CFAP58: variants seen among roughly 807,000 people sequenced by gnomAD.
CFAP58 encodes cilia- and flagella-associated protein 58.
CFAP58 carries 88 observed loss-of-function variants against 119.5 expected under a neutral mutation model. That is an observed-to-expected ratio of 0.74 (90% CI 0.62 to 0.88). The LOEUF (loss-of-function observed/expected upper bound fraction) is 0.88, where lower values mean the gene tolerates loss of function less well. Among genes scored for constraint, CFAP58 ranks in the 40% least tolerant of loss-of-function variants. The probability of loss-of-function intolerance (pLI) is 0.00; values close to 1 mark genes in which losing one functional copy is unlikely to be tolerated. For missense variants in CFAP58, 990 were observed against 1,021.2 expected (o/e 0.97, Z 0.42); for synonymous variants, 365 against 366.3 (o/e 1.00, Z 0.04).
At chr10:104,379,737 T>C (rs941949315) in intron 8 of CFAP58, among the ~76,000 whole-genome samples, 2 of 152,184 alleles carry the variant, frequency 1.3e-5, no homozygotes, top group African/African-American at 4.8e-5. Context: ...TGTATGAACT[T>C]GTGGGCAAAT....
chr10:104,399,422 AGC>A lies in CFAP58; in HGVS notation c.1738_1739del (p.Ala580Ter). 1 of 1,613,984 alleles carries A rather than the reference AGC, an allele frequency of 6.2e-7. No individual in the cohort carries two copies. The highest frequency in any genetic ancestry group is 1.3e-5 in the African/African-American group (1 of 75,022). The part of the protein sequence containing the change: ...ETKHFIEKQE[A>X]EERKLLRIIA... The stretch of plus-strand genomic sequence containing the variant: ...CAAAACACTTTATTGAAAAGCAAGA[AGC>A]TGAAGAGAGAAAACTCCTGCGAATA... On this transcript the variant is annotated frameshift_variant, in exon 12 of 18. Coordinates refer to ENST00000369704, the MANE Select transcript of CFAP58 (RefSeq NM_001008723.2). LOFTEE classifies it high-confidence loss of function.
At chr10:104,442,310 C>T (rs1199394243) in intron 15 of CFAP58, among the ~76,000 whole-genome samples, 1 of 152,134 alleles carries the variant, frequency 6.6e-6, no homozygotes, top group Non-Finnish European at 1.5e-5. Flanking sequence ...ATGCTTACGG[C>T]TGGGTGCAGT....
chr10:104,407,409 G>T (rs958052680), intron 15 of CFAP58, among the ~76,000 whole-genome samples: 2 of 152,172 alleles, frequency 1.3e-5, no homozygotes, highest in Admixed American at 6.5e-5. Context: ...CAGGAAGCAG[G>T]TGTGGTCATC....
upstream of CFAP58, among the ~76,000 whole-genome samples, chr10:104,349,770 G>A (rs1423819957): frequency 1.3e-5 from 2 of 152,186 alleles, no homozygotes; most frequent in Admixed American, 6.5e-5. Context: ...CACAATGCTG[G>A]AAAAGGTAGT....
intron 6 of CFAP58, among the ~76,000 whole-genome samples, chr10:104,368,785 C>T (rs1370746124): frequency 6.6e-6 from 1 of 152,184 alleles, no homozygotes; most frequent in Non-Finnish European, 1.5e-5. Context: ...TATGGTTATG[C>T]AAATGGTTTC....
rs1345459540 is a variant in CFAP58 at position 104,368,403 on chromosome 10, G to A, written c.793-20G>A. 1 of 1,612,648 alleles carries A rather than the reference G, an allele frequency of 6.2e-7. No homozygotes were observed. The highest frequency in any genetic ancestry group is 8.5e-7 in the Non-Finnish European group (1 of 1,179,430). ...TAATCAGATTAAAAAGCATTAACCA[G>A]CTCATTCCATCCCTTTCAGATATTG... is the stretch of plus-strand genomic sequence containing the variant. On this transcript the variant is annotated intron_variant, in intron 5 of 17. Coordinates refer to ENST00000369704, the MANE Select transcript of CFAP58 (RefSeq NM_001008723.2).
upstream of CFAP58, among the ~76,000 whole-genome samples, chr10:104,350,782 C>T (rs1338682522): frequency 6.6e-6 from 1 of 152,244 alleles, no homozygotes; most frequent in Non-Finnish European, 1.5e-5. Context: ...AGGGCAGTGA[C>T]TCTGCCATAG....
intron 9 of CFAP58, among the ~76,000 whole-genome samples, 193 bp downstream of exon 9, chr10:104,380,413 A>G (rs2011764907): frequency 6.6e-6 from 1 of 152,176 alleles, no homozygotes; most frequent in Non-Finnish European, 1.5e-5. Context: ...TGAAAAGGAC[A>G]ATGTTTATGC....
At chr10:104,429,147 G>T (rs1168249291) in intron 15 of CFAP58, among the ~76,000 whole-genome samples, 1 of 152,190 alleles carries the variant, frequency 6.6e-6, no homozygotes, top group East Asian at 1.9e-4. Flanking sequence ...GGTAGTGCTG[G>T]GAGTGTGCAT....
At chr10:104,369,171 A>G (rs1233901130) in intron 6 of CFAP58, among the ~76,000 whole-genome samples, 1 of 152,228 alleles carries the variant, frequency 6.6e-6, no homozygotes, top group Non-Finnish European at 1.5e-5. Flanking sequence ...TAATTCTGAA[A>G]AAAATCCATA....
chr10:104,395,782 C>T (rs543783144), intron 11 of CFAP58, among the ~76,000 whole-genome samples: 3 of 152,110 alleles, frequency 2.0e-5, no homozygotes, highest in Non-Finnish European at 4.4e-5. Flanking sequence ...GCGAGTTGTA[C>T]GAAGCTACGC....
At chr10:104,374,679 G>A (rs762509976) in intron 7 of CFAP58, among the ~76,000 whole-genome samples, 2 of 151,838 alleles carry the variant, frequency 1.3e-5, no homozygotes, top group Non-Finnish European at 2.9e-5. Flanking sequence ...AGAGAATGAT[G>A]ATATCCAGGG....
At chr10:104,405,727 A>G (rs2012347430) in intron 14 of CFAP58, among the ~76,000 whole-genome samples, 2 of 152,234 alleles carry the variant, frequency 1.3e-5, no homozygotes, top group African/African-American at 2.4e-5. Context: ...AGCGGTCCCC[A>G]TCATAGACTG....
chr10:104,344,339 C>A, the CFAP58 span, among the ~76,000 whole-genome samples: 1 of 152,234 alleles, frequency 6.6e-6, no homozygotes, highest in Non-Finnish European at 1.5e-5. Context: ...AGCACCTAAT[C>A]TATGCCAGGC....
At chr10:104,399,776 A>G (rs1286750494) in intron 12 of CFAP58, among the ~76,000 whole-genome samples, 1 of 152,134 alleles carries the variant, frequency 6.6e-6, no homozygotes, top group Non-Finnish European at 1.5e-5. Context: ...TTCTAGTATA[A>G]TACAGTTGCT....
chr10:104,399,208 C>T, intron 11 of CFAP58, 152 bp from the exon 12 acceptor site: 1 of 617,230 alleles, frequency 1.6e-6, no homozygotes, highest in South Asian at 2.0e-5. Flanking sequence ...GTGTTGTAAG[C>T]TTGTTTTGCT....
At position 104,358,323 on chromosome 10, in the gene CFAP58, C is replaced by G. The variant is rs369770185; in HGVS notation, c.10-18C>G. 3.1e-6 allele frequency: 5 copies of G among 1,600,732 alleles called. No homozygotes were observed. The highest frequency in any genetic ancestry group is 8.5e-7 in the Non-Finnish European group (1 of 1,172,868). ...AAATGTTGCATTGCCCTTTCCCATC[C>G]CTGCTTTTTTTCTATAGGAAAAGGG... On this transcript the variant is annotated intron_variant, in intron 1 of 17. Transcript: ENST00000369704.
At chr10:104,418,069 T>C (rs11594462) in intron 15 of CFAP58, among the ~76,000 whole-genome samples, 20,829 of 152,300 alleles carry the variant, frequency 0.14, 1,736 homozygotes, top group Middle Eastern at 0.31. Context: ...AGTTTGAATT[T>C]CAGTGTCCAT....
intron 14 of CFAP58, among the ~76,000 whole-genome samples, chr10:104,406,439 A>G (rs1336379992): frequency 6.6e-6 from 1 of 152,240 alleles, no homozygotes; most frequent in Non-Finnish European, 1.5e-5. Context: ...TGGAATAAAC[A>G]TATTTACTTT....
Sources: gnomAD v4.1 joint callset for allele counts (sites outside exome capture counted in the v4.1 genomes callset) on GRCh38, gnomAD v4.1.1 for gene constraint, MANE v1.5 for transcripts, NCBI Gene and HGNC (gene_info 2026-07-23, HGNC 2026-07-21) for gene names.